Variants in BPTF observed in about 807,000 individuals in gnomAD.
BPTF encodes the protein bromodomain PHD finger transcription factor.
BPTF carries 18 observed loss-of-function variants against 292.5 expected under a neutral mutation model. The ratio of observed to expected loss-of-function variants is 0.06; its 90% CI spans 0.04 to 0.09. BPTF has a LOEUF of 0.09. Among genes scored for constraint, BPTF ranks in the 10% least tolerant of loss-of-function variants. The probability of loss-of-function intolerance (pLI) is 1.00; values close to 1 mark genes in which losing one functional copy is unlikely to be tolerated. For synonymous variants in BPTF, 1,225 were observed against 1,251.9 expected (o/e 0.98, Z 0.45); for missense variants, 2,726 against 3,498.7 (o/e 0.78, Z 5.57).
chr17:67,832,474 T>A (rs960543069), intron 1 of BPTF, among the ~76,000 whole-genome samples: 1 of 152,200 alleles, frequency 6.6e-6, no homozygotes, highest in Non-Finnish European at 1.5e-5. Context: ...ATAGCTAAAT[T>A]TATTGGACAT....
chr17:67,894,957 TA>T (rs912182305), intron 7 of BPTF, among the ~76,000 whole-genome samples: 3 of 152,194 alleles, frequency 2.0e-5, no homozygotes, highest in African/African-American at 7.2e-5. Context: ...CTTTAGTCTT[TA>T]AAAAGTTATT....
rs2062690096 is a variant in BPTF, at chr17:67,912,051, T to C, written c.4167T>C (p.Asn1389=). Residue 1389 remains asparagine (N), a synonymous_variant, in exon 11 of 28, where the codon AAT becomes AAC. Transcript: ENST00000306378. ...IKLKNTTDKK[N]NENRESEKKG... The stretch of plus-strand genomic sequence containing the variant: ...TAAAAAATACCACTGACAAAAAGAA[T>C]AATGAAAATCGAGAGTCTGAAAAGA... 1.9e-6 allele frequency: 3 copies of C among 1,611,334 alleles called. No homozygotes were observed. The East Asian group carries it at 6.7e-5, about 36-fold the overall frequency.
rs2061237571 is a variant in BPTF, at chr17:67,893,199, A to G, written c.2056-171A>G. 15 of 609,042 alleles carry G rather than the reference A, an allele frequency of 2.5e-5. No individual in the cohort carries two copies. The South Asian group carries it at 2.9e-4, about 12-fold the overall frequency. 37.7% of individuals were successfully genotyped at this position (609,042 alleles called of 1,614,324 possible). On this transcript the variant is annotated intron_variant, in intron 5 of 27. Coordinates refer to ENST00000306378, the MANE Select transcript of BPTF (RefSeq NM_182641.4). ...AGGCATATCTTGGTTGTTTAATTGTAAACAATTAGCTTTACTTTTAACTTA... is the reference window on the plus strand; with the variant it reads ...AGGCATATCTTGGTTGTTTAATTGTGAACAATTAGCTTTACTTTTAACTTA...
chr17:67,910,215 GAAT>G (rs1263350660), intron 10 of BPTF, among the ~76,000 whole-genome samples: 1 of 152,112 alleles, frequency 6.6e-6, no homozygotes, highest in African/African-American at 2.4e-5. Context: ...TTTTGTTTCT[GAAT>G]AATACTCTGT....
chr17:67,893,086 G>A (rs2061230183), intron 5 of BPTF: 1 of 357,616 alleles, frequency 2.8e-6, no homozygotes, highest in African/African-American at 2.2e-5. Context: ...GGTTTCATGG[G>A]TATATTTGAA....
At chr17:67,883,613 T>G (rs2060562969) in intron 4 of BPTF, among the ~76,000 whole-genome samples, 1 of 152,170 alleles carries the variant, frequency 6.6e-6, no homozygotes, top group Non-Finnish European at 1.5e-5. Context: ...TTGTGTGTGT[T>G]TTTTGAGACA....
At chr17:67,952,882 G>T (rs2066512236) in intron 23 of BPTF, among the ~76,000 whole-genome samples, 1 of 152,102 alleles carries the variant, frequency 6.6e-6, no homozygotes, top group Admixed American at 6.6e-5. Context: ...TAGTCTTTTT[G>T]ATAAAATAAT....
At chr17:67,924,676 G>A in intron 15 of BPTF, 87 bp downstream of exon 15, 1 of 1,465,626 alleles carries the variant, frequency 6.8e-7, no homozygotes, top group South Asian at 1.2e-5. Context: ...ATCAGCAGGG[G>A]GAGTTGGTGC....
rs2065287968 is a variant in BPTF, at chr17:67,940,629, T to C, written c.6450T>C (p.Ala2150=). 4 of 1,614,164 alleles carry C rather than the reference T, an allele frequency of 2.5e-6. No homozygotes were observed. Among genetic ancestry groups the C allele is most frequent in the Non-Finnish European group, 3.4e-6 (4 of 1,180,006 alleles). The change falls in exon 19 of 28, where the codon GCT becomes GCC. Residue 2150 remains alanine (A), a synonymous_variant. Transcript: ENST00000306378. The part of the protein sequence containing the change: ...PQQGQVKLTM[A]QLTQLTQGHG... ...AAGGACAAGTGAAGCTCACCATGGC[T>C]CAACTTACTCAGTTAACACAGGGCC...
At position 67,904,849 on chromosome 17, in the gene BPTF, T is replaced by G. The variant is rs1446745109; in HGVS notation, c.2812+9T>G. ...AAAGTCGTTAGAAGGAAGTAAGTAA[T>G]TAAAATTACATGTCCTGCATAATCG... is the stretch of plus-strand genomic sequence containing the variant. On this transcript the variant is annotated intron_variant, in intron 9 of 27. Transcript: ENST00000306378. The G allele has an allele frequency of 3.7e-6, 6 of 1,604,882 alleles. No homozygotes were observed. The highest frequency in any genetic ancestry group is 2.2e-5 in the South Asian group (2 of 90,006).
intron 3 of BPTF, among the ~76,000 whole-genome samples, chr17:67,870,804 C>G (rs1258421156): frequency 1.8e-5 from 2 of 113,656 alleles, no homozygotes; most frequent in Admixed American, 2.6e-4. Flanking sequence ...GAGTCTCGCT[C>G]TGTCGCCCAG....
At chr17:67,931,014 C>T (rs779393279) in intron 17 of BPTF, among the ~76,000 whole-genome samples, 9 of 151,568 alleles carry the variant, frequency 5.9e-5, no homozygotes, top group Non-Finnish European at 1.3e-4. Flanking sequence ...CACCTGTAAT[C>T]CCAGCACTTT....
In BPTF at chr17:67,945,685, C is replaced by A; in HGVS notation, c.6977C>A (p.Ala2326Glu). 1.9e-6 allele frequency: 3 copies of A among 1,614,146 alleles called. No individual in the cohort carries two copies. Among genetic ancestry groups the A allele is most frequent in the Non-Finnish European group, 2.5e-6 (3 of 1,180,040 alleles). ...GCACAGTCATCCAAGCCCCAAGTTGCAGCACAGTCTCAGCCTCAAAGTAAT... is the reference window on the plus strand; with the variant it reads ...GCACAGTCATCCAAGCCCCAAGTTGAAGCACAGTCTCAGCCTCAAAGTAAT... ...THAQSSKPQV[A>E]AQSQPQSNVQ... Residue 2326 changes from alanine to glutamate, a missense_variant, in exon 21 of 28, where the codon GCA (alanine) becomes GAA (glutamate). Around this residue, in one of 22 missense-constraint regions of BPTF, gnomAD observed 570 missense variants for 633.5 expected, o/e 0.90. Coordinates refer to ENST00000306378, the MANE Select transcript of BPTF (RefSeq NM_182641.4).
At chr17:67,974,393 C>T (rs1451398543) in intron 26 of BPTF, 1 of 152,112 alleles carries the variant, frequency 6.6e-6, no homozygotes, top group Non-Finnish European at 1.5e-5. Context: ...GGGGATTTCT[C>T]CCCATGAACA....
chr17:67,833,686 A>T (rs947682367), intron 1 of BPTF, among the ~76,000 whole-genome samples: 8 of 151,496 alleles, frequency 5.3e-5, no homozygotes, highest in African/African-American at 1.9e-4. Flanking sequence ...CTCCTGTCTC[A>T]GCCTCCTGAG....
intron 9 of BPTF, among the ~76,000 whole-genome samples, chr17:67,906,992 C>T (rs1239187126): frequency 6.6e-6 from 1 of 151,914 alleles, no homozygotes; most frequent in Non-Finnish European, 1.5e-5. Context: ...AAGAAACAGC[C>T]TGGGCAACAT....
chr17:67,876,356 C>A (rs2060048995), intron 4 of BPTF, among the ~76,000 whole-genome samples: 1 of 152,184 alleles, frequency 6.6e-6, no homozygotes, highest in African/African-American at 2.4e-5. Context: ...ATGGGGACGA[C>A]TTCCATTTGA....
intron 1 of BPTF, among the ~76,000 whole-genome samples, chr17:67,851,060 G>T (rs2058364790): frequency 6.6e-6 from 1 of 152,136 alleles, no homozygotes; most frequent in South Asian, 2.1e-4. Flanking sequence ...GACTATGGAG[G>T]ATTCATCACC....
intron 18 of BPTF, among the ~76,000 whole-genome samples, chr17:67,934,870 CAAAAA>C (rs569120237): frequency 1.1e-5 from 1 of 91,052 alleles, no homozygotes; most frequent in African/African-American, 5.7e-5. Flanking sequence ...AACTCTGTCT[CAAAAA>C]AAAAAAAAAA....
Sources: allele counts gnomAD v4.1 joint callset (sites outside exome capture counted in the v4.1 genomes callset), GRCh38; gene constraint gnomAD v4.1.1; regional missense constraint gnomAD v4.1.1; transcripts MANE v1.5; gene names NCBI Gene and HGNC (gene_info 2026-07-23, HGNC 2026-07-21).